The following CA1 variants were observed in gnomAD, a reference collection of about 807,000 sequenced individuals.
CA1 encodes carbonate dehydratase I.
Under a neutral mutation model 28.8 loss-of-function variants are expected in CA1, and 27 were observed. The observed-to-expected ratio is 0.94, with a 90% CI of 0.69 to 1.29. The LOEUF is 1.29. Ranked by LOEUF, CA1 falls within the 50% of genes most tolerant of loss-of-function variation. CA1 has a pLI of 0.00. For synonymous variants in CA1, 121 were observed against 108.8 expected (o/e 1.11, Z -0.70); for missense variants, 335 against 310.5 (o/e 1.08, Z -0.59).
chr8:85,375,130 T>C lies in CA1; in HGVS notation c.-25+2916A>G, dbSNP rs918772436. Among the ~76,000 whole-genome samples, 3 of 152,242 alleles carry C rather than the reference T, an allele frequency of 2.0e-5. No homozygotes were observed. In the East Asian group the frequency reaches 5.8e-4, roughly 29 times the overall value. Reference sequence around the variant, plus strand: ...ATCAAGCAATGAATGGTCTTACAGCTTAAGCATCATTATTTTTACAATATT... The same window carrying C: ...ATCAAGCAATGAATGGTCTTACAGCCTAAGCATCATTATTTTTACAATATT... On this transcript the variant is annotated intron_variant, in intron 1 of 7. Transcript: ENST00000523022.
intron 1 of CA1, among the ~76,000 whole-genome samples, chr8:85,368,372 G>A (rs1020857657): frequency 3.3e-5 from 5 of 152,082 alleles, no homozygotes; most frequent in African/African-American, 1.2e-4. Flanking sequence ...GTTTCACCAT[G>A]TTGGCTAGGC....
chr8:85,348,709 T>A (rs1306277493), intron 1 of CA1, among the ~76,000 whole-genome samples: 1 of 152,232 alleles, frequency 6.6e-6, no homozygotes, highest in African/African-American at 2.4e-5. Flanking sequence ...TAAAATTTTT[T>A]AAATCTGTCT....
At chr8:85,351,229 C>T (rs1809399213) in intron 1 of CA1, among the ~76,000 whole-genome samples, 1 of 152,184 alleles carries the variant, frequency 6.6e-6, no homozygotes, top group Non-Finnish European at 1.5e-5. Flanking sequence ...TATGTAGTGG[C>T]TTTATGTAGC....
intron 2 of CA1, among the ~76,000 whole-genome samples, chr8:85,340,287 A>T (rs1231445437): frequency 6.6e-6 from 1 of 152,288 alleles, no homozygotes; most frequent in South Asian, 2.1e-4. Context: ...TAAGAATTAT[A>T]CTCAATCTAC....
chr8:85,338,166 A>C, intron 3 of CA1, 86 bp downstream of exon 3: 2 of 1,104,426 alleles, frequency 1.8e-6, no homozygotes, highest in Middle Eastern at 2.0e-4. Flanking sequence ...AAGACTTAGA[A>C]TGGGTGTCAT....
chr8:85,371,180 T>C (rs1256753324), intron 1 of CA1, among the ~76,000 whole-genome samples: 4 of 152,188 alleles, frequency 2.6e-5, no homozygotes, highest in South Asian at 2.1e-4. Context: ...TAGCTGATTC[T>C]GTGCCTTGGT....
chr8:85,351,636 C>T (rs1809415538), intron 1 of CA1: 1 of 152,108 alleles, frequency 6.6e-6, no homozygotes, highest in Non-Finnish European at 1.5e-5. Flanking sequence ...CCCATTTTTC[C>T]ATTTGGATGT....
At chr8:85,338,119 C>A (rs1425941089) in intron 3 of CA1, 133 bp downstream of exon 3, 1 of 869,016 alleles carries the variant, frequency 1.2e-6, no homozygotes, top group Admixed American at 1.8e-5. Context: ...GTCCAAGATG[C>A]CTCACTAGAT....
At chr8:85,342,676 A>C (rs927421425) in intron 1 of CA1, 2 of 152,264 alleles carry the variant, frequency 1.3e-5, no homozygotes, top group Non-Finnish European at 2.9e-5. Context: ...AGGATGTGCC[A>C]GACTCTGGCC....
intron 1 of CA1, chr8:85,351,738 A>G (rs1809420685): frequency 6.6e-6 from 1 of 152,222 alleles, no homozygotes; most frequent in Non-Finnish European, 1.5e-5. Flanking sequence ...TGCCTCTTGC[A>G]AAGTGAACTT....
At chr8:85,364,574 G>C (rs969013981) in intron 1 of CA1, among the ~76,000 whole-genome samples, 7 of 152,136 alleles carry the variant, frequency 4.6e-5, no homozygotes, top group African/African-American at 1.7e-4. Flanking sequence ...TAGTGATGTG[G>C]TGAACAAACA....
intron 1 of CA1, among the ~76,000 whole-genome samples, chr8:85,368,052 T>TA (rs1251221031): frequency 2.0e-5 from 3 of 152,004 alleles, no homozygotes; most frequent in Non-Finnish European, 4.4e-5. Flanking sequence ...TCCAGCTACT[T>TA]ATACATATTA....
At chr8:85,372,598 A>T (rs1434066553) in intron 1 of CA1, among the ~76,000 whole-genome samples, 3 of 152,202 alleles carry the variant, frequency 2.0e-5, no homozygotes. Context: ...GAATGAATAA[A>T]CAAAATGTGG....
intron 1 of CA1, among the ~76,000 whole-genome samples, chr8:85,353,475 G>C (rs976891181): frequency 7.9e-5 from 12 of 152,204 alleles, no homozygotes; most frequent in Middle Eastern, 3.4e-3. Context: ...ATAACTGCAC[G>C]TATTATTTTG....
At chr8:85,368,036 C>T (rs1376511177) in intron 1 of CA1, among the ~76,000 whole-genome samples, 2 of 151,640 alleles carry the variant, frequency 1.3e-5, no homozygotes, top group Non-Finnish European at 2.9e-5. Context: ...ATGAGCTGTA[C>T]AATTTTCCAG....
Position 85,337,228 on chromosome 8 carries a change from ATATG to A in CA1, c.236-169_236-166del. On this transcript the variant is annotated intron_variant, in intron 3 of 7. Coordinates refer to ENST00000523022, the MANE Select transcript of CA1 (RefSeq NM_001128831.4). ...CCCCACATCCATGAGGATGACAGTC[ATATG>A]TATGGTGCACCCCTGACTGTGGCAT... The A allele has an allele frequency of 4.6e-6, 3 of 656,058 alleles. No individual in the cohort carries two copies. The South Asian group carries it at 4.8e-5, about 10-fold the overall frequency. The allele number at this position is 656,058 out of a possible 1,614,324, so 40.6% of individuals were successfully genotyped here. A position where few individuals can be genotyped will look rare whatever the true frequency, so the allele number is the denominator to read the frequency against.
At chr8:85,351,559 C>T (rs1187254690) in intron 1 of CA1, among the ~76,000 whole-genome samples, 1 of 152,136 alleles carries the variant, frequency 6.6e-6, no homozygotes, top group African/African-American at 2.4e-5. Context: ...AAAGAAATGC[C>T]AGCAATAATA....
intron 6 of CA1, among the ~76,000 whole-genome samples, chr8:85,332,096 A>T (rs1585913556): frequency 1.3e-5 from 2 of 152,184 alleles, no homozygotes; most frequent in East Asian, 3.8e-4. Context: ...GTTATCAAAG[A>T]TTGTATATCA....
rs1417771777 is a variant in CA1, at chr8:85,328,618, T to C, written c.728A>G (p.Gln243Arg). Reference protein sequence around the residue: ...NVEGDNAVPMQHNNRPTQPLK... With the variant: ...NVEGDNAVPMRHNNRPTQPLK... ...AGGTTGGGTTGGGCGGTTGTTGTGC[T>C]GCATGGGGACAGCGTTATCACCTTC... The change falls in exon 8 of 8, where the codon CAG becomes CGG. Residue 243 changes from glutamine (Q) to arginine (R), a missense_variant. Coordinates refer to ENST00000523022, the MANE Select transcript of CA1 (RefSeq NM_001128831.4). The C allele has an allele frequency of 6.2e-7, 1 of 1,612,174 alleles. No individual in the cohort carries two copies. The highest frequency in any genetic ancestry group is 1.7e-5 in the Admixed American group (1 of 59,962).
Sources: gnomAD v4.1 joint callset for allele counts (sites outside exome capture counted in the v4.1 genomes callset) on GRCh38, gnomAD v4.1.1 for gene constraint, MANE v1.5 for transcripts, NCBI Gene and HGNC (gene_info 2026-07-23, HGNC 2026-07-21) for gene names.